MDN1: variants seen among roughly 807,000 people sequenced by gnomAD.
MDN1 encodes the protein midasin AAA ATPase 1.
MDN1 carries 266 observed loss-of-function variants against 669.2 expected under a neutral mutation model. The ratio of observed to expected loss-of-function variants is 0.40; its 90% confidence interval spans 0.36 to 0.44. The LOEUF (loss-of-function observed/expected upper bound fraction) is 0.44. Ranked by LOEUF, MDN1 falls within the 20% of genes least tolerant of loss-of-function variation. The pLI is 1.00. For missense variants in MDN1, 5,940 were observed against 6,754.0 expected (o/e 0.88, Z 4.22); for synonymous variants, 2,385 against 2,457.1 (o/e 0.97, Z 0.87).
At chr6:89,645,812 A>T (rs1339706671) in intron 100 of MDN1, among the ~76,000 whole-genome samples, 2 of 152,228 alleles carry the variant, frequency 1.3e-5, no homozygotes, top group Admixed American at 1.3e-4. Context: ...ACAGGTGTGA[A>T]TAACTTGCTT....
At chr6:89,656,944 G>T in intron 90 of MDN1, 143 bp from the exon 91 acceptor site, 1 of 676,276 alleles carries the variant, frequency 1.5e-6, no homozygotes, top group Non-Finnish European at 2.5e-6. Context: ...GCCTGCCCTG[G>T]AACTCACCGT....
intron 88 of MDN1, among the ~76,000 whole-genome samples, chr6:89,659,402 C>G (rs1376473391): frequency 6.6e-6 from 1 of 152,164 alleles, no homozygotes; most frequent in Non-Finnish European, 1.5e-5. Flanking sequence ...TACTGGAACA[C>G]AGCAACATAT....
At chr6:89,755,197 T>C (rs1303054939) in intron 20 of MDN1, among the ~76,000 whole-genome samples, 1 of 152,144 alleles carries the variant, frequency 6.6e-6, no homozygotes, top group Non-Finnish European at 1.5e-5. Flanking sequence ...TGTGTTGTGG[T>C]AAACCATTCT....
chr6:89,735,841 G>A (rs1815936823), intron 33 of MDN1, among the ~76,000 whole-genome samples: 1 of 152,100 alleles, frequency 6.6e-6, no homozygotes, highest in African/African-American at 2.4e-5. Flanking sequence ...CCAACATGGT[G>A]AAACCCCGTC....
Position 89,814,797 on chromosome 6 carries a change from G to C in MDN1, c.102+4709C>G, listed in dbSNP as rs564833436. On this transcript the variant is annotated intron_variant, in intron 1 of 101. Transcript: ENST00000369393. ...GTTAGCCATTGGGAGATCTCCGCCAGGGCCCTGGGTTCTCTGTGCAGACAG... is the reference window on the plus strand; with the variant it reads ...GTTAGCCATTGGGAGATCTCCGCCACGGCCCTGGGTTCTCTGTGCAGACAG... 32 of 451,468 alleles carry C rather than the reference G, an allele frequency of 7.1e-5. 2 individuals carry two copies. In the Admixed American group the frequency reaches 7.4e-4, roughly 11 times the overall value. The allele number at this position is 451,468 out of a possible 1,614,324, so 28.0% of individuals were successfully genotyped here.
rs769208149 is a variant in MDN1 at position 89,678,635 on chromosome 6, C to A, written c.12376G>T (p.Ala4126Ser). 8 of 1,614,164 alleles carry A rather than the reference C, an allele frequency of 5.0e-6. No individual in the cohort carries two copies. Among genetic ancestry groups the A allele is most frequent in the Non-Finnish European group, 6.8e-6 (8 of 1,180,026 alleles). ...AGGTGTTTAAAGAGGTCTGACAAAG[C>A]TCGCTGTTTTTGCATGAGAATGTGC... ...AKHILMQKQR[A>S]LSDLFKHLAK... The change falls in exon 75 of 102, where the codon GCT (alanine) becomes TCT (serine). Residue 4126 changes from alanine (A) to serine (S), a missense_variant. By Grantham distance (99) the Ala-to-Ser change is moderately conservative. Coordinates refer to ENST00000369393, the MANE Select transcript of MDN1 (RefSeq NM_014611.3).
chr6:89,715,799 G>C, intron 44 of MDN1, 30 bp from the exon 45 acceptor site: 1 of 1,409,092 alleles, frequency 7.1e-7, no homozygotes. Flanking sequence ...ATGGTGGATA[G>C]GCTGACATGC....
rs371106761 is a variant in MDN1, at chr6:89,712,273, T to G, written c.7431-17A>C. The G allele has an allele frequency of 5.6e-6, 9 of 1,593,536 alleles. No individual in the cohort carries two copies. Among genetic ancestry groups the G allele is most frequent in the Admixed American group, 1.7e-5 (1 of 59,714 alleles). On this transcript the variant is annotated splice_polypyrimidine_tract_variant and intron_variant, in intron 48 of 101. Transcript: ENST00000369393. ...GGCTGACTCCTGAAATTCATTTGAATGAACAAACTCAGTACTAGAATAACC... is the reference window on the plus strand; with the variant it reads ...GGCTGACTCCTGAAATTCATTTGAAGGAACAAACTCAGTACTAGAATAACC...
intron 58 of MDN1, 29 bp downstream of exon 58, chr6:89,699,572 G>A: frequency 6.3e-7 from 1 of 1,587,178 alleles, no homozygotes; most frequent in Non-Finnish European, 8.6e-7. Context: ...ATAATGTAAA[G>A]GAGGCTTATG....
intron 26 of MDN1, among the ~76,000 whole-genome samples, chr6:89,747,743 T>C (rs1458147429): frequency 6.6e-6 from 1 of 150,496 alleles, no homozygotes; most frequent in Non-Finnish European, 1.5e-5. Context: ...TACAAAAAAT[T>C]AGCCGGGCGT....
At chr6:89,770,559 C>T (rs948660391) in intron 15 of MDN1, among the ~76,000 whole-genome samples, 1 of 152,132 alleles carries the variant, frequency 6.6e-6, no homozygotes, top group African/African-American at 2.4e-5. Flanking sequence ...GCCTGGAGTG[C>T]AGTGGCACAA....
intron 11 of MDN1, among the ~76,000 whole-genome samples, chr6:89,779,213 A>G (rs1448845044): frequency 6.6e-6 from 1 of 152,236 alleles, no homozygotes; most frequent in African/African-American, 2.4e-5. Flanking sequence ...TCTCAAATTC[A>G]GTAGAAATAT....
In MDN1 at chr6:89,655,934, T is replaced by C; in HGVS notation, c.15320A>G (p.Glu5107Gly). The C allele has an allele frequency of 1.2e-6, 2 of 1,614,064 alleles. No individual in the cohort carries two copies. Among genetic ancestry groups the C allele is most frequent in the Non-Finnish European group, 1.7e-6 (2 of 1,180,034 alleles). ...CTCATTGTGATCACCCATGGAACGT[T>C]CATTGTCAGCCTGCCCAGGTTTCCT... Reference protein sequence around the residue: ...FKRKPGQADNERSMGDHNERV... With the variant: ...FKRKPGQADNGRSMGDHNERV... Residue 5107 changes from glutamate (E) to glycine (G), a missense_variant, in exon 92 of 102, where the codon GAA becomes GGA. Coordinates refer to ENST00000369393, the MANE Select transcript of MDN1 (RefSeq NM_014611.3).
chr6:89,692,729 G>A lies in MDN1; in HGVS notation c.10301C>T (p.Thr3434Ile), dbSNP rs762842786. The change falls in exon 63 of 102, where the codon ACC (threonine) becomes ATC (isoleucine). Residue 3434 changes from threonine to isoleucine, a missense_variant. Transcript: ENST00000369393. ...SSMVGADRLG[T>I]LATALLAFPS... ...GAAAGCCAGCAAGGCTGTGGCCAGG[G>A]TCCCCAGCCTGTCTGCACCAACCAT... 2 of 1,614,164 alleles carry A rather than the reference G, an allele frequency of 1.2e-6. No individual in the cohort carries two copies. Among genetic ancestry groups the A allele is most frequent in the South Asian group, 2.2e-5 (2 of 91,076 alleles).
Position 89,794,705 on chromosome 6 carries a change from C to A in MDN1, c.426G>T (p.Arg142Ser). Residue 142 changes from arginine to serine, a missense_variant, in exon 3 of 102, where the codon AGG becomes AGT. Transcript: ENST00000369393. ...CTTCCATTAGGTCCCGGAGCTTCAT[C>A]CTCCTACGTCCATAGCGTACTGGAT... ...DANPVRYGRR[R>S]MKLRDLMEAA... 1 of 1,614,204 alleles carries A rather than the reference C, an allele frequency of 6.2e-7. No individual in the cohort carries two copies.
intron 15 of MDN1, among the ~76,000 whole-genome samples, chr6:89,767,400 T>C (rs903018838): frequency 1.3e-5 from 2 of 152,142 alleles, no homozygotes; most frequent in African/African-American, 4.8e-5. Context: ...TGTAAATAAT[T>C]TGATGGTTTC....
intron 35 of MDN1, 151 bp from the exon 36 acceptor site, chr6:89,729,290 TC>T: frequency 1.5e-6 from 1 of 668,832 alleles, no homozygotes; most frequent in Non-Finnish European, 2.5e-6. Flanking sequence ...TTTCAATATT[TC>T]CCCACTTTTA....
chr6:89,761,760 A>T lies in MDN1; in HGVS notation c.2357-12T>A. 1 of 1,557,368 alleles carries T rather than the reference A, an allele frequency of 6.4e-7. No homozygotes were observed. The highest frequency in any genetic ancestry group is 2.3e-5 in the East Asian group (1 of 44,388). ...TTTTATGAGTAACCCTAAAAAAGAA[A>T]GACAAGAATTCAGCACACATTTTGA... On this transcript the variant is annotated splice_polypyrimidine_tract_variant and intron_variant, in intron 16 of 101. Coordinates refer to ENST00000369393, the MANE Select transcript of MDN1 (RefSeq NM_014611.3).
rs1417877514 is a variant in MDN1 at position 89,715,769 on chromosome 6, G to A, written c.6744C>T (p.Asn2248=). Residue 2248 remains asparagine (N), a splice_region_variant and synonymous_variant, in exon 45 of 102, where the codon AAC becomes AAT. Transcript: ENST00000369393. The part of the protein sequence containing the change: ...WLLMDNVNFC[N]PSVLDRLNAL... Reference sequence around the variant, plus strand: ...CATTCAAACGATCCAACACTGATGGGCTGCAGAGACAGAATTCAGATGGTG... The same window carrying A: ...CATTCAAACGATCCAACACTGATGGACTGCAGAGACAGAATTCAGATGGTG... The A allele has an allele frequency of 3.1e-6, 5 of 1,596,886 alleles. No individual in the cohort carries two copies. Among genetic ancestry groups the A allele is most frequent in the Non-Finnish European group, 4.3e-6 (5 of 1,164,416 alleles).
Sources: allele counts gnomAD v4.1 joint callset (sites outside exome capture counted in the v4.1 genomes callset), GRCh38; gene constraint gnomAD v4.1.1; transcripts MANE v1.5; gene names NCBI Gene and HGNC (gene_info 2026-07-23, HGNC 2026-07-21).